Variants in SH3PXD2A observed in about 807,000 individuals in gnomAD.
SH3PXD2A encodes the protein SH3 and PX domains 2A, also known as SH3 and PX domain-containing protein 2A.
A neutral mutation model predicts 115.2 loss-of-function variants in SH3PXD2A; 32 were observed. That is an observed-to-expected ratio of 0.28 (90% CI 0.21 to 0.37). The LOEUF is 0.37. SH3PXD2A is among the 10% of genes least tolerant of loss of function. SH3PXD2A has a pLI of 1.00. For missense variants in SH3PXD2A, 1,328 were observed against 1,498.7 expected, an observed-to-expected ratio of 0.89 and a Z score of 1.88; for synonymous variants, 610 against 629.1, an observed-to-expected ratio of 0.97 and a Z score of 0.45.
chr10:103,682,302 G>A (rs887627359), intron 6 of SH3PXD2A, among the ~76,000 whole-genome samples: 7 of 152,250 alleles, frequency 4.6e-5, no homozygotes, highest in African/African-American at 1.4e-4. Context: ...AGACACACAC[G>A]TGAGCAGCAC....
chr10:103,627,465 T>C lies in SH3PXD2A; in HGVS notation c.605-263A>G, dbSNP rs1013881880. On this transcript the variant is annotated intron_variant, in intron 8 of 14. Coordinates refer to ENST00000369774, the MANE Select transcript of SH3PXD2A (RefSeq NM_001394015.1). This position sits in a 1 kb window ranked among gnomAD's most constrained non-coding sequence, Gnocchi z 4.4. ...AACAAATGTCTGATGGAAAATGAAA[T>C]AGACATAGTGATATGTCCAGTGTGT... Among the ~76,000 whole-genome samples the C allele has an allele frequency of 1.3e-5, 2 of 152,062 alleles. No individual in the cohort carries two copies. The highest frequency in any genetic ancestry group is 4.8e-5 in the African/African-American group (2 of 41,398).
At chr10:103,645,420 G>A (rs184190111) in intron 8 of SH3PXD2A, among the ~76,000 whole-genome samples, 3 of 152,318 alleles carry the variant, frequency 2.0e-5, no homozygotes, top group Admixed American at 1.3e-4. Context: ...AGCTTACCCA[G>A]GAGGATCTGT....
intron 1 of SH3PXD2A, among the ~76,000 whole-genome samples, chr10:103,807,320 T>A (rs558663397): frequency 6.6e-6 from 1 of 152,314 alleles, no homozygotes; most frequent in South Asian, 2.1e-4. Context: ...AAATGTACAA[T>A]GAGAGGCAAG....
chr10:103,604,784 C>T (rs553301384), intron 14 of SH3PXD2A, among the ~76,000 whole-genome samples: 23 of 152,356 alleles, frequency 1.5e-4, no homozygotes, highest in Non-Finnish European at 2.6e-4. Flanking sequence ...AGTTCAAGCA[C>T]AGGTGGCTCC....
At chr10:103,780,591 C>T (rs1196256975) in intron 2 of SH3PXD2A, among the ~76,000 whole-genome samples, 1 of 152,186 alleles carries the variant, frequency 6.6e-6, no homozygotes, top group African/African-American at 2.4e-5. Flanking sequence ...TCCTTGAAGA[C>T]ACTGGAAGCC....
At chr10:103,731,555 G>A (rs2038320015) in intron 4 of SH3PXD2A, among the ~76,000 whole-genome samples, 1 of 152,210 alleles carries the variant, frequency 6.6e-6, no homozygotes. Context: ...TGAGGGAGAT[G>A]GTGAGGTTCT....
chr10:103,701,815 C>T (rs1051680585), intron 5 of SH3PXD2A, among the ~76,000 whole-genome samples: 24 of 147,342 alleles, frequency 1.6e-4, no homozygotes, highest in African/African-American at 5.8e-4. Flanking sequence ...ATCCAGTCAT[C>T]CATCTGTCCA....
intron 1 of SH3PXD2A, among the ~76,000 whole-genome samples, chr10:103,822,276 C>G (rs2039388807): frequency 6.6e-6 from 1 of 152,258 alleles, no homozygotes; most frequent in Admixed American, 6.5e-5. Context: ...GTTATACATA[C>G]TGTGCACAAA....
chr10:103,751,790 C>T (rs2038582493), intron 3 of SH3PXD2A, among the ~76,000 whole-genome samples: 1 of 152,106 alleles, frequency 6.6e-6, no homozygotes, highest in African/African-American at 2.4e-5. Context: ...TTTCTAGAGT[C>T]CAGAAAGAGA....
chr10:103,838,230 G>A (rs2039564532), intron 1 of SH3PXD2A, among the ~76,000 whole-genome samples: 2 of 152,234 alleles, frequency 1.3e-5, no homozygotes, highest in South Asian at 4.1e-4. Flanking sequence ...TCAGGCCCCA[G>A]GGGCTCTGGG....
chr10:103,661,241 C>G, intron 7 of SH3PXD2A, 127 bp from the exon 8 acceptor site: 1 of 1,148,316 alleles, frequency 8.7e-7, no homozygotes, highest in Non-Finnish European at 1.2e-6. Context: ...AGGGGCAGCC[C>G]GCAGCCGGGG....
At chr10:103,697,260 T>C (rs904252861) in intron 5 of SH3PXD2A, among the ~76,000 whole-genome samples, 1 of 151,964 alleles carries the variant, frequency 6.6e-6, no homozygotes, top group Non-Finnish European at 1.5e-5. Context: ...CAATGTACAG[T>C]GTGTAGAAAG....
At chr10:103,761,651 A>T (rs1418411585) in intron 3 of SH3PXD2A, among the ~76,000 whole-genome samples, 2 of 152,182 alleles carry the variant, frequency 1.3e-5, no homozygotes, top group Non-Finnish European at 2.9e-5. Context: ...GCCACCTGCC[A>T]CCCACACAGG....
At chr10:103,759,530 G>A (rs1367283707) in intron 3 of SH3PXD2A, among the ~76,000 whole-genome samples, 3 of 152,212 alleles carry the variant, frequency 2.0e-5, no homozygotes. Flanking sequence ...GCTTGCTAGT[G>A]GGAGGGGACC....
rs922356627 is a variant in SH3PXD2A, at chr10:103,597,345, A to G, written c.*4471T>C. On this transcript the variant is annotated 3_prime_UTR_variant, in exon 15 of 15. Coordinates refer to ENST00000369774, the MANE Select transcript of SH3PXD2A (RefSeq NM_001394015.1). ...GGGCACCCAGTTTTAGAAAGATTCA[A>G]ACATACACCAGAAGGATCACAGCCC... is the stretch of plus-strand genomic sequence containing the variant. 1 of 152,278 alleles carries G rather than the reference A, an allele frequency of 6.6e-6. No individual in the cohort carries two copies. The highest frequency in any genetic ancestry group is 1.5e-5 in the Non-Finnish European group (1 of 68,042). The allele number at this position is 152,278 out of a possible 1,614,324, so 9.4% of individuals were successfully genotyped here. A position where few individuals can be genotyped will look rare whatever the true frequency, so the allele number is the denominator to read the frequency against.
chr10:103,777,888 C>T (rs557572490), intron 2 of SH3PXD2A, among the ~76,000 whole-genome samples: 32 of 152,266 alleles, frequency 2.1e-4, no homozygotes, highest in South Asian at 4.1e-4. Flanking sequence ...TGTCTCCACA[C>T]GTGTTGTGAG....
chr10:103,626,536 G>A (rs1592270064), intron 9 of SH3PXD2A, among the ~76,000 whole-genome samples: 1 of 151,862 alleles, frequency 6.6e-6, no homozygotes, highest in African/African-American at 2.4e-5. Context: ...GAGGGCAGGG[G>A]CAGACTCTTT....
intron 4 of SH3PXD2A, among the ~76,000 whole-genome samples, chr10:103,726,491 G>A (rs935416332): frequency 5.3e-5 from 8 of 152,202 alleles, no homozygotes; most frequent in Non-Finnish European, 8.8e-5. Flanking sequence ...CCATGCAGGC[G>A]CGATTTTAGT....
At chr10:103,813,429 C>G (rs984830267) in intron 1 of SH3PXD2A, among the ~76,000 whole-genome samples, 1 of 152,116 alleles carries the variant, frequency 6.6e-6, no homozygotes, top group Non-Finnish European at 1.5e-5. Flanking sequence ...AAGTCCTCCC[C>G]GCTCAGCCTC....
Sources: gnomAD v4.1 joint callset for allele counts (sites outside exome capture counted in the v4.1 genomes callset) on GRCh38, gnomAD v4.1.1 for gene constraint, Gnocchi (gnomAD v3.1) non-coding constraint, MANE v1.5 for transcripts, NCBI Gene and HGNC (gene_info 2026-07-23, HGNC 2026-07-21) for gene names.